Variants in PCDHGA8 observed in about 807,000 individuals in gnomAD.
PCDHGA8 encodes protocadherin gamma subfamily A, 8, also known as protocadherin gamma-A8.
In PCDHGA8, 45 loss-of-function variants were observed where a neutral mutation model predicts 59.2. The ratio of observed to expected loss-of-function variants is 0.76; its 90% confidence interval spans 0.60 to 0.98. PCDHGA8 has a LOEUF of 0.98. Among genes scored for constraint, PCDHGA8 ranks in the 50% least tolerant of loss-of-function variants. The pLI is 0.00. For missense variants in PCDHGA8, 1,257 were observed against 1,196.2 expected, an observed-to-expected ratio of 1.05 and a Z score of -0.75; for synonymous variants, 531 against 519.0, an observed-to-expected ratio of 1.02 and a Z score of -0.32.
intron 1 of PCDHGA8, chr5:141,408,243 G>T: frequency 6.3e-7 from 1 of 1,583,996 alleles, no homozygotes; most frequent in African/African-American, 1.3e-5. Context: ...GCCGGCCCGC[G>T]GCAGGTGCTA....
chr5:141,394,811 C>G lies in PCDHGA8; in HGVS notation c.1998C>G (p.Asp666Glu), dbSNP rs1225635250. ...ATVTLTVAVA[D>E]SIPEVLTELG... ...TCACGCTCACCGTAGCCGTGGCTGA[C>G]AGCATCCCCGAAGTCCTGACCGAGT... Residue 666 changes from aspartate (D) to glutamate (E), a missense_variant, in exon 1 of 4, where the codon GAC becomes GAG. Coordinates refer to ENST00000398604, the MANE Select transcript of PCDHGA8 (RefSeq NM_032088.2). 7.4e-6 allele frequency: 12 copies of G among 1,613,770 alleles called. No individual in the cohort carries two copies. Among genetic ancestry groups the G allele is most frequent in the Non-Finnish European group, 1.0e-5 (12 of 1,180,016 alleles).
At chr5:141,473,623 A>T (rs186624707) in intron 1 of PCDHGA8, among the ~76,000 whole-genome samples, 8 of 152,280 alleles carry the variant, frequency 5.3e-5, no homozygotes, top group Non-Finnish European at 1.5e-5. Flanking sequence ...GAGGGAGGAA[A>T]AAGCAGCTTT....
At chr5:141,420,530 A>G (rs1038635436) in intron 1 of PCDHGA8, 9 of 336,858 alleles carry the variant, frequency 2.7e-5, no homozygotes, top group African/African-American at 6.4e-5. Flanking sequence ...CCTTTCGGTT[A>G]AAAATATAAA....
chr5:141,481,096 T>C (rs1162625304), intron 1 of PCDHGA8, among the ~76,000 whole-genome samples: 2 of 152,150 alleles, frequency 1.3e-5, no homozygotes, highest in East Asian at 1.9e-4. Flanking sequence ...AAAGCAGTAC[T>C]CTGGAACCTA....
intron 1 of PCDHGA8, chr5:141,420,154 T>C (rs2096470856): frequency 2.5e-6 from 4 of 1,613,948 alleles, no homozygotes; most frequent in Non-Finnish European, 2.5e-6. Flanking sequence ...ATCCAGAATT[T>C]AATTTTTTCA....
chr5:141,444,475 A>C (rs572738630), intron 1 of PCDHGA8, among the ~76,000 whole-genome samples: 2 of 152,110 alleles, frequency 1.3e-5, no homozygotes, highest in East Asian at 3.9e-4. Context: ...CCGGTCGCGT[A>C]CTGGATTTAT....
rs1562150111 is a variant in PCDHGA8, at chr5:141,491,805, T to G, written c.2425-3002T>G. 1 of 1,495,892 alleles carries G rather than the reference T, an allele frequency of 6.7e-7. No homozygotes were observed. 92.7% of individuals were successfully genotyped at this position (1,495,892 alleles called of 1,614,324 possible). A position where few individuals can be genotyped will look rare whatever the true frequency, so the allele number is the denominator to read the frequency against. On this transcript the variant is annotated intron_variant, in intron 1 of 3. Coordinates refer to ENST00000398604, the MANE Select transcript of PCDHGA8 (RefSeq NM_032088.2). This position sits in a 1 kb window ranked among gnomAD's most constrained non-coding sequence, Gnocchi z 6.9. ...TGCATCCACTCCTCTCCGGCCGGCT[T>G]GGTCGCTGGCTGCGCTCCACCCGAT... is the stretch of plus-strand genomic sequence containing the variant.
In PCDHGA8 at chr5:141,393,333, C is replaced by G; in HGVS notation, c.520C>G (p.Pro174Ala). Reference protein sequence around the residue: ...VNSLQSYQLSPNHHFSLDVQT... With the variant: ...VNSLQSYQLSANHHFSLDVQT... ...CTCCCTCCAGAGCTACCAGCTCAGCCCCAATCACCACTTCTCCCTGGACGT... is the reference window on the plus strand; with the variant it reads ...CTCCCTCCAGAGCTACCAGCTCAGCGCCAATCACCACTTCTCCCTGGACGT... The change falls in exon 1 of 4, where the codon CCC becomes GCC. Residue 174 changes from proline (P) to alanine (A), a missense_variant. Pro to Ala is a conservative substitution (Grantham distance 27). Transcript: ENST00000398604. The G allele has an allele frequency of 6.3e-7, 1 of 1,582,250 alleles. No homozygotes were observed. The highest frequency in any genetic ancestry group is 8.6e-7 in the Non-Finnish European group (1 of 1,169,360).
At chr5:141,408,458 G>T (rs760881860) in intron 1 of PCDHGA8, 4 of 1,614,066 alleles carry the variant, frequency 2.5e-6, no homozygotes, top group South Asian at 2.2e-5. Flanking sequence ...GGACTTACTT[G>T]TGAAGAACCG....
rs891428609 is a variant in PCDHGA8, at chr5:141,503,553, C to T, written c.2484-1840C>T. Among the ~76,000 whole-genome samples the T allele has an allele frequency of 9.4e-5, 14 of 149,164 alleles. No homozygotes were observed. In the East Asian group the frequency reaches 2.2e-3, roughly 23 times the overall value. On this transcript the variant is annotated intron_variant, in intron 2 of 3. Coordinates refer to ENST00000398604, the MANE Select transcript of PCDHGA8 (RefSeq NM_032088.2). ...GGCAGAGGTTGCAGTGAGCCGAGAT[C>T]GCGCCACTGTACTCCAGCCTGGGTG...
chr5:141,457,422 TC>T (rs1038085994), intron 1 of PCDHGA8, among the ~76,000 whole-genome samples: 1 of 151,626 alleles, frequency 6.6e-6, no homozygotes, highest in African/African-American at 2.4e-5. Context: ...CATCCCTTTT[TC>T]CCCCCCACCA....
At chr5:141,461,441 T>A (rs959248029) in intron 1 of PCDHGA8, among the ~76,000 whole-genome samples, 7 of 152,194 alleles carry the variant, frequency 4.6e-5, no homozygotes, top group Admixed American at 4.6e-4. Flanking sequence ...TACCTTCTTT[T>A]GAGAAATGGC....
intron 1 of PCDHGA8, among the ~76,000 whole-genome samples, chr5:141,437,668 G>T (rs72790049): frequency 3.1e-4 from 47 of 151,868 alleles, no homozygotes; most frequent in Non-Finnish European, 6.0e-4. Context: ...TCGAAGAGAT[G>T]TTGATCAAAC....
Position 141,393,800 on chromosome 5 carries a change from GA to G in PCDHGA8, c.988del (p.Arg330GlyfsTer11), listed in dbSNP as rs1403705962. Reference sequence around the variant, plus strand: ...CCGAAGATGTGGGGGCACTTCTGGGGAGGACCAAATTGCTCATTTCGGTGGA... The same window carrying G: ...CCGAAGATGTGGGGGCACTTCTGGGGGGACCAAATTGCTCATTTCGGTGGA... ...QAEDVGALLG[R>X]TKLLISVEDV... On this transcript the variant is annotated frameshift_variant, in exon 1 of 4. Transcript: ENST00000398604. LOFTEE classifies it high-confidence loss of function. 2 of 1,613,842 alleles carry G rather than the reference GA, an allele frequency of 1.2e-6. No homozygotes were observed. Among genetic ancestry groups the G allele is most frequent in the Non-Finnish European group, 1.7e-6 (2 of 1,179,904 alleles).
intron 1 of PCDHGA8, chr5:141,420,293 A>G: frequency 1.3e-6 from 2 of 1,485,602 alleles, no homozygotes; most frequent in Non-Finnish European, 9.1e-7. Context: ...TTAAAAATGT[A>G]TTTAATCCTT....
rs752660538 is a variant in PCDHGA8 at position 141,486,495 on chromosome 5, T to C, written c.2425-8312T>C. 1 of 1,614,074 alleles carries C rather than the reference T, an allele frequency of 6.2e-7. No individual in the cohort carries two copies. The highest frequency in any genetic ancestry group is 8.5e-7 in the Non-Finnish European group (1 of 1,179,922). On this transcript the variant is annotated intron_variant, in intron 1 of 3. Transcript: ENST00000398604. The surrounding 1 kb of genome is among the most constrained non-coding windows in gnomAD (Gnocchi z 5.0). ...CCTCCTCTCAGTACCCACAGAACTA[T>C]TTTCCTCAATATTTCAGATGTGAAT...
In PCDHGA8 at chr5:141,393,436, A is replaced by G; in HGVS notation, c.623A>G (p.His208Arg). 1.2e-6 allele frequency: 2 copies of G among 1,614,028 alleles called. No individual in the cohort carries two copies. Among genetic ancestry groups the G allele is most frequent in the Middle Eastern group, 1.6e-4 (1 of 6,062 alleles). ...CTGGACAGGGAGGAAGAGGCTGCTC[A>G]CCACCTGGTCCTCACGGCCTCGGAT... ...RALDREEEAAHHLVLTASDGG... is the reference protein window; with the variant it reads ...RALDREEEAARHLVLTASDGG... Residue 208 changes from histidine to arginine, a missense_variant, in exon 1 of 4, where the codon CAC (histidine) becomes CGC (arginine). By Grantham distance (29) the His-to-Arg change is conservative. Transcript: ENST00000398604.
At position 141,413,561 on chromosome 5, in the gene PCDHGA8, AT is replaced by A. The variant is rs1363955348; in HGVS notation, c.2424+18325del. The stretch of plus-strand genomic sequence containing the variant: ...TTTGGGATAGAAATAGAAGTAACTG[AT>A]ATCAATGACAATGCTCCAAAATTCC... On this transcript the variant is annotated intron_variant, in intron 1 of 3. Coordinates refer to ENST00000398604, the MANE Select transcript of PCDHGA8 (RefSeq NM_032088.2). The A allele has an allele frequency of 6.2e-6, 10 of 1,613,806 alleles. No individual in the cohort carries two copies. In the Admixed American group the frequency reaches 1.3e-4, roughly 22 times the overall value.
intron 1 of PCDHGA8, chr5:141,420,985 C>T (rs1371634966): frequency 4.1e-6 from 2 of 487,950 alleles, no homozygotes; most frequent in African/African-American, 4.0e-5. Flanking sequence ...GGGCTCTAGG[C>T]GCCGCTGCTC....
Sources: gnomAD v4.1 joint callset for allele counts (sites outside exome capture counted in the v4.1 genomes callset) on GRCh38, gnomAD v4.1.1 for gene constraint, Gnocchi (gnomAD v3.1) non-coding constraint, MANE v1.5 for transcripts, NCBI Gene and HGNC (gene_info 2026-07-23, HGNC 2026-07-21) for gene names.